CLASP1: variants seen among roughly 807,000 people sequenced by gnomAD.
The protein encoded by CLASP1 is cytoplasmic linker associated protein 1.
CLASP1 carries 38 observed loss-of-function variants against 192.3 expected under a neutral mutation model. The observed-to-expected ratio is 0.20, with a 90% CI of 0.15 to 0.26. The LOEUF (loss-of-function observed/expected upper bound fraction) is 0.26, where lower values mean the gene tolerates loss of function less well. Among genes scored for constraint, CLASP1 ranks in the 10% least tolerant of loss-of-function variants. The probability of loss-of-function intolerance (pLI) is 1.00; values close to 1 mark genes in which losing one functional copy is unlikely to be tolerated. For missense variants in CLASP1, 1,433 were observed against 1,932.5 expected (o/e 0.74, Z 4.85); for synonymous variants, 691 against 712.8 (o/e 0.97, Z 0.49).
chr2:121,447,977 C>T (rs1409466125), intron 18 of CLASP1, among the ~76,000 whole-genome samples: 2 of 152,222 alleles, frequency 1.3e-5, no homozygotes, highest in East Asian at 3.8e-4. Flanking sequence ...ACTGTCTCAT[C>T]AAAGGATCAG....
At chr2:121,388,859 A>C (rs1396565374) in intron 30 of CLASP1, among the ~76,000 whole-genome samples, 1 of 152,246 alleles carries the variant, frequency 6.6e-6, no homozygotes, top group Non-Finnish European at 1.5e-5. Context: ...CTTTACAAAC[A>C]TAAAGTCCTT....
intron 22 of CLASP1, among the ~76,000 whole-genome samples, chr2:121,421,157 A>G (rs1219689958): frequency 6.6e-6 from 1 of 152,236 alleles, no homozygotes; most frequent in East Asian, 1.9e-4. Context: ...CATGGTTCAA[A>G]TGTTAAATAA....
At chr2:121,381,074 G>A (rs957449656) in intron 33 of CLASP1, among the ~76,000 whole-genome samples, 4 of 152,142 alleles carry the variant, frequency 2.6e-5, no homozygotes, top group Non-Finnish European at 4.4e-5. Flanking sequence ...GACAGCAGCC[G>A]TCTCCTCGCC....
At chr2:121,542,514 A>G (rs1650081012) in intron 2 of CLASP1, among the ~76,000 whole-genome samples, 1 of 152,248 alleles carries the variant, frequency 6.6e-6, no homozygotes. Context: ...AAAGTGTGAT[A>G]GTCAGTGACT....
At chr2:121,400,496 A>T (rs1260925796) in intron 28 of CLASP1, among the ~76,000 whole-genome samples, 1 of 152,228 alleles carries the variant, frequency 6.6e-6, no homozygotes, top group Non-Finnish European at 1.5e-5. Flanking sequence ...GAGAGGGAAG[A>T]GAAGGTTCCA....
intron 19 of CLASP1, among the ~76,000 whole-genome samples, chr2:121,432,324 G>C (rs2081575010): frequency 1.3e-5 from 2 of 152,134 alleles, no homozygotes; most frequent in Admixed American, 1.3e-4. Flanking sequence ...TGACCATGTT[G>C]GCCAGGCTGG....
chr2:121,593,600 C>T (rs906212735), intron 2 of CLASP1, among the ~76,000 whole-genome samples: 1 of 27,088 alleles, frequency 3.7e-5, no homozygotes, highest in African/African-American at 2.2e-4. Context: ...GCCTGGGCAA[C>T]AAGAGAAAAG....
At chr2:121,483,411 C>A (rs1475267014) in intron 8 of CLASP1, among the ~76,000 whole-genome samples, 1 of 150,418 alleles carries the variant, frequency 6.6e-6, no homozygotes, top group African/African-American at 2.5e-5. Context: ...TTTTTCCTAG[C>A]AAATATCTGA....
At chr2:121,573,551 G>T (rs2060175774) in intron 2 of CLASP1, among the ~76,000 whole-genome samples, 1 of 152,068 alleles carries the variant, frequency 6.6e-6, no homozygotes, top group African/African-American at 2.4e-5. Context: ...ATTGATATTT[G>T]TTCCTATTAC....
chr2:121,482,467 C>A (rs926275375), intron 8 of CLASP1, among the ~76,000 whole-genome samples: 2 of 152,150 alleles, frequency 1.3e-5, no homozygotes, highest in African/African-American at 2.4e-5. Context: ...CTTACAGCGA[C>A]ACGCCAAGAG....
At chr2:121,449,330 T>A (rs2118389) in intron 16 of CLASP1, among the ~76,000 whole-genome samples, 1 of 152,126 alleles carries the variant, frequency 6.6e-6, no homozygotes, top group Non-Finnish European at 1.5e-5. Flanking sequence ...AAGTCACTTA[T>A]CCTCTCTCAA....
chr2:121,641,364 C>T (rs2072045207), intron 1 of CLASP1, among the ~76,000 whole-genome samples: 1 of 150,578 alleles, frequency 6.6e-6, no homozygotes, highest in Admixed American at 6.6e-5. Context: ...ATCGCCCACA[C>T]CCACAGATAT....
chr2:121,649,150 G>C (rs1291701937), intron 1 of CLASP1, among the ~76,000 whole-genome samples: 2 of 152,124 alleles, frequency 1.3e-5, no homozygotes, highest in African/African-American at 4.8e-5. Context: ...CTGCAAAGCA[G>C]CCTGGGCTCA....
intron 1 of CLASP1, among the ~76,000 whole-genome samples, chr2:121,647,543 TAA>T (rs1447908349): frequency 6.6e-6 from 1 of 152,128 alleles, no homozygotes; most frequent in African/African-American, 2.4e-5. Context: ...GAACTACACT[TAA>T]AGAGATTCTA....
At chr2:121,464,657 G>A (rs947483364) in intron 9 of CLASP1, among the ~76,000 whole-genome samples, 1 of 152,174 alleles carries the variant, frequency 6.6e-6, no homozygotes, top group African/African-American at 2.4e-5. Context: ...TTTGAGAAGT[G>A]TCTGTTCATG....
intron 2 of CLASP1, among the ~76,000 whole-genome samples, chr2:121,570,698 G>A (rs2059906445): frequency 6.6e-6 from 1 of 152,198 alleles, no homozygotes; most frequent in South Asian, 2.1e-4. Context: ...GACCCTGTAT[G>A]ATATAATACC....
chr2:121,526,831 G>C (rs151145856), intron 5 of CLASP1, among the ~76,000 whole-genome samples: 1 of 151,910 alleles, frequency 6.6e-6, no homozygotes, highest in African/African-American at 2.4e-5. Flanking sequence ...AGAAAAAAAG[G>C]CTTGAAATTT....
chr2:121,563,720 T>G (rs2059283735), intron 2 of CLASP1, among the ~76,000 whole-genome samples: 1 of 152,190 alleles, frequency 6.6e-6, no homozygotes. Context: ...TATCTAATCC[T>G]GATTTCAAAT....
rs757188292 is a variant in CLASP1 at position 121,363,388 on chromosome 2, C to T, written c.4078-88G>A. 6.8e-5 allele frequency: 105 copies of T among 1,538,416 alleles called. 2 individuals carry two copies. Among genetic ancestry groups the T allele is most frequent in the Middle Eastern group, 5.1e-4 (3 of 5,880 alleles). On this transcript the variant is annotated intron_variant, in intron 36 of 39. Transcript: ENST00000263710. ...TCAGCAGGGTCGGCAAGGCCAAGCACCCAGTTCTGGGTTCCCTGGAACCTC... is the reference window on the plus strand; with the variant it reads ...TCAGCAGGGTCGGCAAGGCCAAGCATCCAGTTCTGGGTTCCCTGGAACCTC...
Sources: gnomAD v4.1 joint callset for allele counts (sites outside exome capture counted in the v4.1 genomes callset) on GRCh38, gnomAD v4.1.1 for gene constraint, MANE v1.5 for transcripts, NCBI Gene and HGNC (gene_info 2026-07-23, HGNC 2026-07-21) for gene names.